Variants in C3orf33 observed in about 807,000 individuals in gnomAD.
The protein encoded by C3orf33 is mitochondrial inner membrane subdomain organizer 1.
A neutral mutation model predicts 28.7 loss-of-function variants in C3orf33; 23 were observed. That is an observed-to-expected ratio of 0.80 (90% CI 0.58 to 1.13). C3orf33 has a LOEUF of 1.13. Among genes scored for constraint, C3orf33 ranks in the 50% most tolerant of loss-of-function variants. The pLI is 0.00. For missense variants in C3orf33, 327 were observed against 353.4 expected, an observed-to-expected ratio of 0.93 and a Z score of 0.60; for synonymous variants, 119 against 120.5, an observed-to-expected ratio of 0.99 and a Z score of 0.08.
intron 3 of C3orf33, among the ~76,000 whole-genome samples, chr3:155,772,847 C>T (rs1017985982): frequency 2.2e-4 from 32 of 147,192 alleles, no homozygotes; most frequent in Non-Finnish European, 3.9e-4. Context: ...ATAAGACAGC[C>T]GAAGGGATAG....
intron 2 of C3orf33, among the ~76,000 whole-genome samples, chr3:155,793,834 A>C (rs867469134): frequency 1.4e-5 from 2 of 146,496 alleles, no homozygotes; most frequent in Non-Finnish European, 1.5e-5. Context: ...AAAACTAAAA[A>C]AACTAAAAAA....
intron 3 of C3orf33, 107 bp downstream of exon 3, chr3:155,775,594 T>C (rs1291639508): frequency 5.8e-6 from 4 of 684,554 alleles, no homozygotes; most frequent in Non-Finnish European, 8.9e-6. Flanking sequence ...TCATGGACAA[T>C]GGAGAGTTAT....
At chr3:155,767,406 A>T (rs1750442997) in intron 4 of C3orf33, 103 bp downstream of exon 4, 2 of 888,964 alleles carry the variant, frequency 2.2e-6, no homozygotes, top group East Asian at 3.1e-5. Context: ...AAGGCAAAAA[A>T]AAGTCAGTCC....
intron 2 of C3orf33, among the ~76,000 whole-genome samples, chr3:155,790,091 G>A (rs542389659): frequency 1.3e-3 from 195 of 149,172 alleles, no homozygotes; most frequent in African/African-American, 4.6e-3. Flanking sequence ...TTGAACCCGG[G>A]AGGCAGAAGT....
intron 2 of C3orf33, among the ~76,000 whole-genome samples, chr3:155,787,125 G>C (rs182322600): frequency 6.6e-6 from 1 of 152,254 alleles, no homozygotes; most frequent in Admixed American, 6.5e-5. Context: ...GACACTGCAA[G>C]AAAACTATAG....
chr3:155,777,319 A>T (rs947546272), intron 2 of C3orf33, among the ~76,000 whole-genome samples: 1 of 152,068 alleles, frequency 6.6e-6, no homozygotes, highest in African/African-American at 2.4e-5. Flanking sequence ...TGTCTAAAAA[A>T]AAAATTAAAA....
At position 155,795,405 on chromosome 3, in the gene C3orf33, G is replaced by A. The variant is rs1373549331; in HGVS notation, c.174+7127C>T. Among the ~76,000 whole-genome samples the A allele has an allele frequency of 2.6e-5, 4 of 151,932 alleles. No individual in the cohort carries two copies. In the East Asian group the frequency reaches 5.8e-4, roughly 22 times the overall value. On this transcript the variant is annotated intron_variant, in intron 2 of 4. Transcript: ENST00000340171. ...CAGGAGGCGGAGGTTGGAGTGAGCC[G>A]AGAGCGTGCCACTGCACTCCAGCCT...
chr3:155,805,537 T>A (rs1192569123), intron 1 of C3orf33: 3 of 449,726 alleles, frequency 6.7e-6, no homozygotes, highest in South Asian at 3.1e-5. Context: ...CTGGACAACA[T>A]AGCAAGACTC....
At chr3:155,786,959 C>T (rs965466219) in intron 2 of C3orf33, among the ~76,000 whole-genome samples, 7 of 152,028 alleles carry the variant, frequency 4.6e-5, no homozygotes, top group Admixed American at 1.3e-4. Flanking sequence ...AAAAGGAAGC[C>T]CTGGATCTGA....
intron 4 of C3orf33, 59 bp from the exon 5 acceptor site, chr3:155,763,977 C>T: frequency 1.7e-6 from 2 of 1,176,740 alleles, no homozygotes; most frequent in Admixed American, 4.0e-5. Context: ...ATACCCATCA[C>T]ATCTTATTTA....
At position 155,763,588 on chromosome 3, in the gene C3orf33, T is replaced by C. The variant is rs1356191753; in HGVS notation, c.814A>G (p.Met272Val). ...KRTYEIWKDN[M>V]NNCSLILKFR... is the part of the protein sequence containing the mutation. ...TTCAGTATTAAGGAGCAGTTGTTCA[T>C]GTTGTCTTTCCATATTTCATAAGTC... Residue 272 changes from methionine to valine, a missense_variant, in exon 5 of 5, where the codon ATG becomes GTG. Coordinates refer to ENST00000340171, the MANE Select transcript of C3orf33 (RefSeq NM_001308229.2). 2 of 1,580,096 alleles carry C rather than the reference T, an allele frequency of 1.3e-6. No homozygotes were observed. Among genetic ancestry groups the C allele is most frequent in the Non-Finnish European group, 1.7e-6 (2 of 1,171,486 alleles).
intron 2 of C3orf33, among the ~76,000 whole-genome samples, chr3:155,782,308 A>C (rs1200890816): frequency 6.6e-6 from 1 of 151,168 alleles, no homozygotes; most frequent in African/African-American, 2.4e-5. Context: ...CCCAGAAGAA[A>C]AAGAGAAACA....
chr3:155,798,893 G>C (rs1751559775), intron 2 of C3orf33, among the ~76,000 whole-genome samples: 1 of 151,978 alleles, frequency 6.6e-6, no homozygotes, highest in African/African-American at 2.4e-5. Context: ...TTAATAACCA[G>C]ATTATATAAA....
rs1359974938 is a variant in C3orf33, at chr3:155,767,689, A to G, written c.323-20T>C. On this transcript the variant is annotated intron_variant, in intron 3 of 4. Transcript: ENST00000340171. Reference sequence around the variant, plus strand: ...GCTCTTCTAAAAAGGTTAGGTAGAAAAGAGTTTAGCTTTAACAGCATGTTG... The same window carrying G: ...GCTCTTCTAAAAAGGTTAGGTAGAAGAGAGTTTAGCTTTAACAGCATGTTG... 2.0e-6 allele frequency: 3 copies of G among 1,477,114 alleles called. No individual in the cohort carries two copies. Among genetic ancestry groups the G allele is most frequent in the South Asian group, 1.4e-5 (1 of 69,364 alleles). The allele number at this position is 1,477,114 out of a possible 1,614,324, so 91.5% of individuals were successfully genotyped here.
rs952354765 is a variant in C3orf33 at position 155,785,384 on chromosome 3, C to T, written c.175-9536G>A. 2.0e-5 allele frequency among the ~76,000 whole-genome samples: 3 copies of T among 152,050 alleles called. No homozygotes were observed. The South Asian group carries it at 6.2e-4, about 31-fold the overall frequency. On this transcript the variant is annotated intron_variant, in intron 2 of 4. Transcript: ENST00000340171. Reference sequence around the variant, plus strand: ...TAACAAACATATACAGAATACTCTACCCAATGACAACAGAATATATATTAT... The same window carrying T: ...TAACAAACATATACAGAATACTCTATCCAATGACAACAGAATATATATTAT...
chr3:155,766,055 GTCTC>G (rs1213747310), intron 4 of C3orf33, among the ~76,000 whole-genome samples: 2 of 152,084 alleles, frequency 1.3e-5, no homozygotes, highest in African/African-American at 2.4e-5. Flanking sequence ...ACAAGAAGGG[GTCTC>G]TCTCTATCGC....
chr3:155,778,346 T>C (rs1750816905), intron 2 of C3orf33, among the ~76,000 whole-genome samples: 1 of 152,186 alleles, frequency 6.6e-6, no homozygotes, highest in Non-Finnish European at 1.5e-5. Flanking sequence ...ATTTATTAGA[T>C]GTGCTAATAT....
intron 2 of C3orf33, among the ~76,000 whole-genome samples, chr3:155,791,766 G>A (rs1203874066): frequency 6.6e-6 from 1 of 151,720 alleles, no homozygotes; most frequent in Non-Finnish European, 1.5e-5. Context: ...AGGGAAGAGT[G>A]GAAAGGACTG....
Position 155,763,398 on chromosome 3 carries a change from AC to A in C3orf33, c.*118del, listed in dbSNP as rs1290098607. The A allele has an allele frequency of 1.7e-6, 1 of 574,952 alleles. No individual in the cohort carries two copies. Among genetic ancestry groups the A allele is most frequent in the African/African-American group, 2.0e-5 (1 of 51,234 alleles). The allele number at this position is 574,952 out of a possible 1,614,324, so 35.6% of individuals were successfully genotyped here. On this transcript the variant is annotated 3_prime_UTR_variant, in exon 5 of 5. Transcript: ENST00000340171. Reference sequence around the variant, plus strand: ...AATCATCTCTTTTTAATATTTAAATACCATTGGACTAACACTTTGATCATTT... The same window carrying A: ...AATCATCTCTTTTTAATATTTAAATACATTGGACTAACACTTTGATCATTT...
Sources: gnomAD v4.1 joint callset for allele counts (sites outside exome capture counted in the v4.1 genomes callset) on GRCh38, gnomAD v4.1.1 for gene constraint, MANE v1.5 for transcripts, NCBI Gene and HGNC (gene_info 2026-07-23, HGNC 2026-07-21) for gene names.